Variants in AMPH observed in about 807,000 individuals in gnomAD.
The protein encoded by AMPH is amphiphysin (Stiff-Mann syndrome with breast cancer 128kD autoantigen).
Under a neutral mutation model 99.1 loss-of-function variants are expected in AMPH, and 49 were observed. That is an observed-to-expected ratio of 0.49 (90% confidence interval 0.39 to 0.63). The LOEUF (loss-of-function observed/expected upper bound fraction) is 0.63. Among genes scored for constraint, AMPH ranks in the 20% least tolerant of loss-of-function variants. AMPH has a pLI of 0.00. For missense variants in AMPH, 759 were observed against 863.4 expected, an observed-to-expected ratio of 0.88 and a Z score of 1.52; for synonymous variants, 314 against 317.3, an observed-to-expected ratio of 0.99 and a Z score of 0.11.
chr7:38,386,304 A>C (rs142255615), intron 20 of AMPH, among the ~76,000 whole-genome samples: 2 of 152,318 alleles, frequency 1.3e-5, no homozygotes, highest in African/African-American at 2.4e-5. Context: ...ATAAAAGGTC[A>C]TTTTTCCCCC....
At chr7:38,629,781 C>G (rs956720319) in intron 1 of AMPH, among the ~76,000 whole-genome samples, 3 of 152,154 alleles carry the variant, frequency 2.0e-5, no homozygotes, top group African/African-American at 7.2e-5. Context: ...AGATCCCAAG[C>G]CAGCAGATCC....
intron 2 of AMPH, among the ~76,000 whole-genome samples, chr7:38,515,876 G>A (rs556442335): frequency 6.6e-6 from 1 of 152,344 alleles, no homozygotes; most frequent in South Asian, 2.1e-4. Context: ...TGGAGCAAAG[G>A]TCATTTGTGT....
chr7:38,441,806 A>ATCATATATC lies in AMPH; in HGVS notation c.1018-5419_1018-5418insGATATATGA, dbSNP rs1267958196. On this transcript the variant is annotated intron_variant, in intron 11 of 20. Coordinates refer to ENST00000356264, the MANE Select transcript of AMPH (RefSeq NM_001635.4). ...TATATCTGTCATATATATCATATAT[A>ATCATATATC]TATCATATATATCATATATCATATA... Among the ~76,000 whole-genome samples, 400 of 86,790 alleles carry ATCATATATC rather than the reference A, an allele frequency of 4.6e-3. 12 individuals are homozygous for ATCATATATC. In the East Asian group the frequency reaches 0.12, roughly 27 times the overall value. The allele number at this position is 86,790 out of a possible 152,430, so 56.9% of individuals were successfully genotyped here.
At chr7:38,549,556 T>C (rs547479753) in intron 1 of AMPH, among the ~76,000 whole-genome samples, 2 of 152,346 alleles carry the variant, frequency 1.3e-5, no homozygotes, top group South Asian at 2.1e-4. Flanking sequence ...GCTAAAAAGG[T>C]AGTTTCATTC....
intron 1 of AMPH, among the ~76,000 whole-genome samples, chr7:38,586,011 C>G (rs1347835979): frequency 6.6e-6 from 1 of 152,108 alleles, no homozygotes; most frequent in Non-Finnish European, 1.5e-5. Flanking sequence ...TAGCTTTCAC[C>G]TTTTTCACCC....
intron 1 of AMPH, among the ~76,000 whole-genome samples, chr7:38,567,701 A>G (rs570902118): frequency 4.3e-4 from 66 of 152,196 alleles, no homozygotes; most frequent in Non-Finnish European, 5.3e-4. Flanking sequence ...CAACTGCAGG[A>G]AAAGCTTATG....
chr7:38,391,721 T>G, intron 19 of AMPH, 27 bp downstream of exon 19: 1 of 1,601,488 alleles, frequency 6.2e-7, no homozygotes, highest in Non-Finnish European at 8.5e-7. Flanking sequence ...AAAAAAAGGA[T>G]AAATGAGACT....
At chr7:38,606,756 G>T (rs988320684) in intron 1 of AMPH, among the ~76,000 whole-genome samples, 2 of 151,820 alleles carry the variant, frequency 1.3e-5, no homozygotes, top group African/African-American at 4.8e-5. Flanking sequence ...AAACTTTTTT[G>T]TAGAGACAGG....
intron 19 of AMPH, among the ~76,000 whole-genome samples, chr7:38,390,660 T>C (rs1251006839): frequency 6.6e-6 from 1 of 152,184 alleles, no homozygotes; most frequent in Non-Finnish European, 1.5e-5. Flanking sequence ...ATGTTATCCC[T>C]AAATTAATTT....
intron 1 of AMPH, among the ~76,000 whole-genome samples, chr7:38,605,304 T>C (rs955900387): frequency 5.3e-5 from 8 of 152,150 alleles, no homozygotes; most frequent in African/African-American, 1.9e-4. Flanking sequence ...GGGGCTACAC[T>C]GCCATGACAC....
intron 20 of AMPH, among the ~76,000 whole-genome samples, chr7:38,386,814 A>G (rs1784360907): frequency 6.6e-6 from 1 of 152,232 alleles, no homozygotes; most frequent in Non-Finnish European, 1.5e-5. Flanking sequence ...GAAATTAGAA[A>G]GTATTTGACC....
chr7:38,425,845 G>A (rs1042116610), intron 15 of AMPH, among the ~76,000 whole-genome samples: 2 of 152,184 alleles, frequency 1.3e-5, no homozygotes, highest in African/African-American at 2.4e-5. Flanking sequence ...ATGGTGGTCT[G>A]AAGTTTTAAA....
chr7:38,603,989 G>T (rs1793344900), intron 1 of AMPH, among the ~76,000 whole-genome samples: 1 of 152,210 alleles, frequency 6.6e-6, no homozygotes, highest in Admixed American at 6.5e-5. Context: ...GGAGCAGAAA[G>T]AATTTAGGTT....
chr7:38,441,626 T>C (rs1227500001), intron 11 of AMPH, among the ~76,000 whole-genome samples: 4 of 151,600 alleles, frequency 2.6e-5, no homozygotes. Flanking sequence ...ATAACTCTAT[T>C]ATAAAGACAC....
At chr7:38,536,093 C>A (rs1790588035) in intron 1 of AMPH, among the ~76,000 whole-genome samples, 1 of 152,066 alleles carries the variant, frequency 6.6e-6, no homozygotes, top group East Asian at 1.9e-4. Context: ...AAAACAAGGC[C>A]CCAACACTTG....
chr7:38,421,961 G>T (rs1785594541), intron 16 of AMPH, among the ~76,000 whole-genome samples: 1 of 151,934 alleles, frequency 6.6e-6, no homozygotes, highest in African/African-American at 2.4e-5. Context: ...TTCTCATTTG[G>T]TATCAAATTA....
rs577669328 is a variant in AMPH, at chr7:38,511,095, C to T, written c.151-7391G>A. Among the ~76,000 whole-genome samples the T allele has an allele frequency of 3.3e-5, 5 of 152,238 alleles. No individual in the cohort carries two copies. In the South Asian group the frequency reaches 1.0e-3, roughly 32 times the overall value. Reference sequence around the variant, plus strand: ...ATGAGGATGATAACAGTACCCACCACCTAGAGCTATCATGAAGGTTGAGGG... The same window carrying T: ...ATGAGGATGATAACAGTACCCACCATCTAGAGCTATCATGAAGGTTGAGGG... On this transcript the variant is annotated intron_variant, in intron 2 of 20. Coordinates refer to ENST00000356264, the MANE Select transcript of AMPH (RefSeq NM_001635.4).
At chr7:38,610,305 AG>A (rs1793604699) in intron 1 of AMPH, among the ~76,000 whole-genome samples, 24 of 40,812 alleles carry the variant, frequency 5.9e-4, no homozygotes, top group South Asian at 1.5e-3. Context: ...AGAAAAGAAA[AG>A]AAAAGAAAAG....
intron 2 of AMPH, among the ~76,000 whole-genome samples, chr7:38,506,635 T>C (rs926738689): frequency 6.6e-6 from 1 of 152,190 alleles, no homozygotes; most frequent in East Asian, 1.9e-4. Context: ...TAGATAATTG[T>C]AGAATCTGGG....
Sources: gnomAD v4.1 joint callset for allele counts (sites outside exome capture counted in the v4.1 genomes callset) on GRCh38, gnomAD v4.1.1 for gene constraint, MANE v1.5 for transcripts, NCBI Gene and HGNC (gene_info 2026-07-23, HGNC 2026-07-21) for gene names.